The following SLC22A5 variants were observed in gnomAD, a reference collection of about 807,000 sequenced individuals.
SLC22A5 encodes organic cation/carnitine transporter 2.
In SLC22A5, 44 loss-of-function variants were observed where a neutral mutation model predicts 56.7. That is an observed-to-expected ratio of 0.78 (90% confidence interval 0.61 to 1.00). The LOEUF (loss-of-function observed/expected upper bound fraction) is 1.00, where lower values mean the gene tolerates loss of function less well. SLC22A5 is among the 50% of genes least tolerant of loss of function. The probability of loss-of-function intolerance (pLI) is 0.00; values close to 1 mark genes in which losing one functional copy is unlikely to be tolerated. For synonymous variants in SLC22A5, 278 were observed against 292.1 expected (o/e 0.95, Z 0.49); for missense variants, 675 against 723.0 (o/e 0.93, Z 0.76).
rs386134209 is a variant in SLC22A5, at chr5:132,387,038, T to TC, written c.844dup (p.Arg282ProfsTer10). 1 of 1,613,648 alleles carries TC rather than the reference T, an allele frequency of 6.2e-7. No homozygotes were observed. Among genetic ancestry groups the TC allele is most frequent in the Admixed American group, 1.7e-5 (1 of 59,984 alleles). On this transcript the variant is annotated frameshift_variant, in exon 5 of 10. Coordinates refer to ENST00000245407, the MANE Select transcript of SLC22A5 (RefSeq NM_003060.4). LOFTEE classifies it high-confidence loss of function. ...TTGTACTGCCAGGTTCATCCCTGAG[T>TC]CCCCCCGATGGCTCATCTCTCAGGG...
intron 2 of SLC22A5, chr5:132,383,624 G>A (rs1194353730): frequency 1.1e-5 from 2 of 185,252 alleles, no homozygotes; most frequent in African/African-American, 4.8e-5. Flanking sequence ...TAATCCATTG[G>A]GGGCTATAAA....
At chr5:132,381,201 C>G (rs1030579317) in intron 2 of SLC22A5, 1 of 152,138 alleles carries the variant, frequency 6.6e-6, no homozygotes, top group Admixed American at 6.5e-5. Context: ...AGGTCTATTC[C>G]CAGGGAAACT....
At chr5:132,385,615 T>A in intron 4 of SLC22A5, 116 bp downstream of exon 4, 2 of 850,664 alleles carry the variant, frequency 2.4e-6, no homozygotes, top group South Asian at 2.8e-5. Context: ...ACAGGAAGCA[T>A]AGATTATAAA....
At chr5:132,373,230 C>T (rs183728987) in intron 1 of SLC22A5, among the ~76,000 whole-genome samples, 1 of 152,306 alleles carries the variant, frequency 6.6e-6, no homozygotes, top group Admixed American at 6.5e-5. Flanking sequence ...AAAGGATTGA[C>T]TGGAATTTTT....
intron 2 of SLC22A5, 102 bp downstream of exon 2, chr5:132,378,583 C>T (rs1752233495): frequency 3.4e-6 from 3 of 877,420 alleles, no homozygotes; most frequent in Non-Finnish European, 5.9e-6. Flanking sequence ...CAGCGCAGGG[C>T]CCTGTATTTT....
chr5:132,390,036 T>C (rs1289698522), intron 6 of SLC22A5: 2 of 164,778 alleles, frequency 1.2e-5, no homozygotes, highest in Non-Finnish European at 2.7e-5. Context: ...TCAAAGAGTG[T>C]GGGTCATCAA....
At chr5:132,378,167 G>A (rs777651206) in intron 1 of SLC22A5, 2 of 1,579,026 alleles carry the variant, frequency 1.3e-6, no homozygotes, top group South Asian at 2.3e-5. Context: ...ATGGAAGCAA[G>A]ACAGTGGGGC....
intron 1 of SLC22A5, among the ~76,000 whole-genome samples, chr5:132,375,808 C>T (rs1435175544): frequency 6.6e-6 from 1 of 152,192 alleles, no homozygotes; most frequent in East Asian, 1.9e-4. Flanking sequence ...TCAGGTTGGG[C>T]CTGCATTCAC....
intron 4 of SLC22A5, 127 bp from the exon 5 acceptor site, chr5:132,386,898 G>C: frequency 9.8e-7 from 1 of 1,018,234 alleles, no homozygotes; most frequent in South Asian, 1.3e-5. Flanking sequence ...CTTCTGGCTT[G>C]TGATCACCAA....
intron 2 of SLC22A5, chr5:132,378,703 G>A: frequency 1.8e-6 from 1 of 570,468 alleles, no homozygotes; most frequent in Non-Finnish European, 3.1e-6. Context: ...TGTCTAAGCT[G>A]AATGTATCTG....
chr5:132,373,225 A>G (rs1054618707), intron 1 of SLC22A5, among the ~76,000 whole-genome samples: 3 of 152,212 alleles, frequency 2.0e-5, no homozygotes, highest in African/African-American at 7.2e-5. Flanking sequence ...GCTGAAAAGG[A>G]TTGACTGGAA....
chr5:132,390,959 A>G, intron 7 of SLC22A5, 55 bp downstream of exon 7: 1 of 1,382,258 alleles, frequency 7.2e-7, no homozygotes, highest in African/African-American at 1.4e-5. Flanking sequence ...CTTACTGTCT[A>G]CCAGGCTGTC....
chr5:132,394,029 T>C (rs1217206105), intron 9 of SLC22A5, among the ~76,000 whole-genome samples, 156 bp from the exon 10 acceptor site: 6 of 152,244 alleles, frequency 3.9e-5, no homozygotes, highest in African/African-American at 1.4e-4. Flanking sequence ...TCCATGGCAG[T>C]AGCCGCACTG....
At chr5:132,386,658 G>A (rs1279466136) in intron 4 of SLC22A5, among the ~76,000 whole-genome samples, 1 of 152,208 alleles carries the variant, frequency 6.6e-6, no homozygotes, top group African/African-American at 2.4e-5. Context: ...GGAGGAGAGT[G>A]TAGCAGGGCC....
At chr5:132,388,066 A>G (rs556989998) in intron 5 of SLC22A5, among the ~76,000 whole-genome samples, 1 of 152,338 alleles carries the variant, frequency 6.6e-6, no homozygotes, top group East Asian at 1.9e-4. Flanking sequence ...CAGACTTCCC[A>G]GTGAGTGGTG....
chr5:132,384,393 A>G, intron 3 of SLC22A5, 92 bp downstream of exon 3: 1 of 1,294,618 alleles, frequency 7.7e-7, no homozygotes, highest in African/African-American at 1.5e-5. Flanking sequence ...GATGTCCCTC[A>G]AGGGGGACAG....
chr5:132,380,953 A>T (rs1418009963), intron 2 of SLC22A5: 1 of 144,818 alleles, frequency 6.9e-6, no homozygotes, highest in Non-Finnish European at 1.5e-5. Context: ...GGAGGGGGGA[A>T]CTGGGGGAGG....
At chr5:132,392,062 T>A (rs1752719434) in intron 7 of SLC22A5, among the ~76,000 whole-genome samples, 1 of 152,212 alleles carries the variant, frequency 6.6e-6, no homozygotes, top group Non-Finnish European at 1.5e-5. Context: ...AACTGAATTC[T>A]CCATTCATCT....
intron 1 of SLC22A5, among the ~76,000 whole-genome samples, chr5:132,371,312 A>T (rs1031764809): frequency 2.6e-5 from 4 of 152,006 alleles, no homozygotes; most frequent in African/African-American, 9.7e-5. Context: ...GTTCAGGGTG[A>T]CTTGTTGACC....
Sources: gnomAD v4.1 joint callset for allele counts (sites outside exome capture counted in the v4.1 genomes callset) on GRCh38, gnomAD v4.1.1 for gene constraint, MANE v1.5 for transcripts, NCBI Gene and HGNC (gene_info 2026-07-23, HGNC 2026-07-21) for gene names.